Variants in ACVR1 observed in about 807,000 individuals in gnomAD.
ACVR1 encodes the protein activin A receptor type 1.
ACVR1 carries 38 observed loss-of-function variants against 57.1 expected under a neutral mutation model. That is an observed-to-expected ratio of 0.67 (90% CI 0.51 to 0.87). The LOEUF (loss-of-function observed/expected upper bound fraction) is 0.87, where lower values mean the gene tolerates loss of function less well. ACVR1 is among the 40% of genes least tolerant of loss of function. The pLI, the probability that ACVR1 is intolerant of heterozygous loss-of-function variation, is 0.00. For synonymous variants in ACVR1, 212 were observed against 228.1 expected, an observed-to-expected ratio of 0.93 and a Z score of 0.63; for missense variants, 463 against 638.2, an observed-to-expected ratio of 0.73 and a Z score of 2.96.
chr2:157,787,555 T>C lies in ACVR1; in HGVS notation c.68-6955A>G, dbSNP rs74684747. Among the ~76,000 whole-genome samples the C allele has an allele frequency of 1.7e-3, 259 of 152,316 alleles. 1 individual carries two copies. Among genetic ancestry groups the C allele is most frequent in the African/African-American group, 5.9e-3 (247 of 41,572 alleles). On this transcript the variant is annotated intron_variant, in intron 3 of 10. Coordinates refer to ENST00000434821, the MANE Select transcript of ACVR1 (RefSeq NM_001111067.4). ...GAACAGGGAAGAAAGTCCCAGTGAATTGTAAACACTTCAGAAGTCATTCCT... is the reference window on the plus strand; with the variant it reads ...GAACAGGGAAGAAAGTCCCAGTGAACTGTAAACACTTCAGAAGTCATTCCT...
chr2:157,836,655 C>G (rs1574130727), intron 1 of ACVR1, among the ~76,000 whole-genome samples: 1 of 152,156 alleles, frequency 6.6e-6, no homozygotes, highest in East Asian at 1.9e-4. Flanking sequence ...AAATCATCAC[C>G]ACCTTCTGAC....
intron 9 of ACVR1, among the ~76,000 whole-genome samples, chr2:157,742,873 A>C (rs1684833176): frequency 6.6e-6 from 1 of 152,096 alleles, no homozygotes; most frequent in Non-Finnish European, 1.5e-5. Context: ...GTCTCTCTGC[A>C]TCAGTCCTCC....
chr2:157,768,678 T>C (rs1685964221), intron 7 of ACVR1, among the ~76,000 whole-genome samples: 1 of 152,216 alleles, frequency 6.6e-6, no homozygotes, highest in Non-Finnish European at 1.5e-5. Flanking sequence ...CTTTGCTTCA[T>C]GATTCTAGAG....
intron 1 of ACVR1, among the ~76,000 whole-genome samples, chr2:157,857,487 T>G (rs1443208188): frequency 6.6e-6 from 1 of 152,172 alleles, no homozygotes; most frequent in Non-Finnish European, 1.5e-5. Flanking sequence ...AATTGCACCC[T>G]GGATCCATCA....
At chr2:157,870,236 T>C (rs919462253) in intron 1 of ACVR1, among the ~76,000 whole-genome samples, 1 of 149,450 alleles carries the variant, frequency 6.7e-6, no homozygotes, top group Non-Finnish European at 1.5e-5. Flanking sequence ...CCACCTTCGT[T>C]CTCCCCTCTG....
At chr2:157,795,732 C>CAGGATT (rs1489179384) in intron 3 of ACVR1, among the ~76,000 whole-genome samples, 1 of 151,926 alleles carries the variant, frequency 6.6e-6, no homozygotes, top group African/African-American at 2.4e-5. Context: ...GAGCTGAAAG[C>CAGGATT]AGGATTAAAA....
intron 8 of ACVR1, among the ~76,000 whole-genome samples, chr2:157,763,864 C>T (rs973784080): frequency 1.3e-5 from 2 of 152,102 alleles, no homozygotes; most frequent in African/African-American, 4.8e-5. Context: ...TTTACCATAT[C>T]CTGAATAATA....
At chr2:157,778,546 G>GA (rs1457358252) in intron 4 of ACVR1, among the ~76,000 whole-genome samples, 2 of 152,140 alleles carry the variant, frequency 1.3e-5, no homozygotes, top group African/African-American at 4.8e-5. Context: ...ACTAGAATTT[G>GA]AAAAAATTCC....
chr2:157,850,506 T>A (rs1389821367), intron 1 of ACVR1, among the ~76,000 whole-genome samples: 2 of 152,048 alleles, frequency 1.3e-5, no homozygotes, highest in African/African-American at 4.8e-5. Context: ...CAAACCCTAA[T>A]AGTAAGAACA....
At chr2:157,848,311 T>C (rs535943056) in intron 1 of ACVR1, among the ~76,000 whole-genome samples, 1 of 151,676 alleles carries the variant, frequency 6.6e-6, no homozygotes, top group East Asian at 1.9e-4. Flanking sequence ...TTCCTGTCTT[T>C]TGAGACACTT....
At position 157,829,878 on chromosome 2, in the gene ACVR1, A is replaced by G. The variant is rs184380648; in HGVS notation, c.-182-11319T>C. On this transcript the variant is annotated intron_variant, in intron 1 of 10. Transcript: ENST00000434821. ...GGTGAGTCTGTGGACTCTTCAAAGT[A>G]AGAGTATTTTTCACCTATGAAACAT... Among the ~76,000 whole-genome samples, 3 of 152,344 alleles carry G rather than the reference A, an allele frequency of 2.0e-5. No individual in the cohort carries two copies. In the East Asian group the frequency reaches 5.8e-4, roughly 29 times the overall value.
At chr2:157,865,820 A>AAG (rs1689902865) in intron 1 of ACVR1, among the ~76,000 whole-genome samples, 1 of 125,426 alleles carries the variant, frequency 8.0e-6, no homozygotes, top group African/African-American at 3.1e-5. Context: ...GAAAAAGAAA[A>AAG]AAGATAGATA....
At chr2:157,871,427 A>G (rs1690109975) in intron 1 of ACVR1, among the ~76,000 whole-genome samples, 1 of 152,204 alleles carries the variant, frequency 6.6e-6, no homozygotes, top group African/African-American at 2.4e-5. Flanking sequence ...GTGATCCCTC[A>G]GGACACTTAT....
intron 9 of ACVR1, 146 bp downstream of exon 9, chr2:157,760,734 G>T: frequency 1.3e-6 from 1 of 758,622 alleles, no homozygotes; most frequent in Non-Finnish European, 2.2e-6. Flanking sequence ...CCATCTACCA[G>T]CCATAAATCA....
At chr2:157,765,894 AG>A in intron 8 of ACVR1, 26 bp downstream of exon 8, 1 of 1,612,646 alleles carries the variant, frequency 6.2e-7, no homozygotes, top group South Asian at 1.1e-5. Flanking sequence ...AAAACTGGTG[AG>A]GAAAAAAATA....
At chr2:157,751,302 G>A (rs534929951) in intron 9 of ACVR1, among the ~76,000 whole-genome samples, 1 of 152,350 alleles carries the variant, frequency 6.6e-6, no homozygotes, top group South Asian at 2.1e-4. Flanking sequence ...AATGCCCTAT[G>A]GGCTCTCTTG....
intron 3 of ACVR1, among the ~76,000 whole-genome samples, chr2:157,797,962 G>A (rs1489673870): frequency 1.3e-5 from 2 of 152,156 alleles, no homozygotes; most frequent in Non-Finnish European, 2.9e-5. Flanking sequence ...TATGAGGAAC[G>A]AGCCCTTACC....
chr2:157,798,293 G>GT (rs1325565543), intron 3 of ACVR1, among the ~76,000 whole-genome samples: 4 of 151,694 alleles, frequency 2.6e-5, no homozygotes, highest in South Asian at 2.1e-4. Flanking sequence ...AACGGTTCTG[G>GT]TTTTTTTTAA....
intron 1 of ACVR1, among the ~76,000 whole-genome samples, chr2:157,838,789 C>T (rs983764538): frequency 2.0e-5 from 3 of 152,124 alleles, no homozygotes; most frequent in Non-Finnish European, 4.4e-5. Flanking sequence ...GGAGAACGCA[C>T]AACCCCATTT....
Sources: allele counts gnomAD v4.1 joint callset (sites outside exome capture counted in the v4.1 genomes callset), GRCh38; gene constraint gnomAD v4.1.1; transcripts MANE v1.5; gene names NCBI Gene and HGNC (gene_info 2026-07-23, HGNC 2026-07-21).